KIAA1217: variants seen among roughly 807,000 people sequenced by gnomAD.
KIAA1217 encodes the protein sickle tail protein homolog.
In KIAA1217, 88 loss-of-function variants were observed where a neutral mutation model predicts 163.9. The observed-to-expected ratio is 0.54, with a 90% CI of 0.45 to 0.64. The LOEUF is 0.64. KIAA1217 is among the 30% of genes least tolerant of loss of function. The probability of loss-of-function intolerance (pLI) is 0.00; values close to 1 mark genes in which losing one functional copy is unlikely to be tolerated. For missense variants in KIAA1217, 2,372 were observed against 2,475.0 expected, an observed-to-expected ratio of 0.96 and a Z score of 0.88; for synonymous variants, 903 against 923.1, an observed-to-expected ratio of 0.98 and a Z score of 0.39.
chr10:24,060,825 A>T (rs994769967), intron 2 of KIAA1217, among the ~76,000 whole-genome samples: 4 of 151,968 alleles, frequency 2.6e-5, no homozygotes, highest in African/African-American at 9.7e-5. Flanking sequence ...AACCCTGTTT[A>T]AAAAAAACAA....
intron 1 of KIAA1217, among the ~76,000 whole-genome samples, chr10:24,217,761 A>G (rs2069027882): frequency 6.6e-6 from 1 of 152,216 alleles, no homozygotes; most frequent in Non-Finnish European, 1.5e-5. Flanking sequence ...AGAACTCCCA[A>G]ATATTAAATC....
chr10:23,998,719 G>A (rs756520107), intron 1 of KIAA1217, among the ~76,000 whole-genome samples: 3 of 152,186 alleles, frequency 2.0e-5, no homozygotes, highest in Non-Finnish European at 2.9e-5. Context: ...CTTACAAAAG[G>A]TCTTACTGAT....
intron 1 of KIAA1217, among the ~76,000 whole-genome samples, chr10:23,989,349 C>A (rs1470652391): frequency 6.6e-6 from 1 of 151,982 alleles, no homozygotes; most frequent in Non-Finnish European, 1.5e-5. Context: ...AAATGGAGAC[C>A]CCAACATGTG....
intron 2 of KIAA1217, among the ~76,000 whole-genome samples, chr10:24,322,609 A>C (rs2044321793): frequency 6.6e-6 from 1 of 152,208 alleles, no homozygotes; most frequent in African/African-American, 2.4e-5. Flanking sequence ...ATATACACCT[A>C]CTGTGTACCC....
intron 2 of KIAA1217, among the ~76,000 whole-genome samples, chr10:24,159,169 G>A (rs944459156): frequency 2.0e-5 from 3 of 151,916 alleles, no homozygotes; most frequent in Admixed American, 2.0e-4. Flanking sequence ...AAGACACAAA[G>A]GTTATAATTA....
chr10:24,521,337 G>GA (rs796783814), intron 11 of KIAA1217, among the ~76,000 whole-genome samples: 9 of 145,974 alleles, frequency 6.2e-5, no homozygotes, highest in Admixed American at 6.8e-5. Context: ...CTCAAAAAAA[G>GA]AAAAAAAAAG....
intron 2 of KIAA1217, among the ~76,000 whole-genome samples, chr10:24,200,112 C>T (rs964626157): frequency 1.3e-5 from 2 of 152,066 alleles, no homozygotes; most frequent in Middle Eastern, 3.4e-3. Context: ...TGCTGCTACG[C>T]GGTCTGCTCT....
At chr10:24,047,226 C>T (rs188887199) in intron 2 of KIAA1217, among the ~76,000 whole-genome samples, 5 of 152,302 alleles carry the variant, frequency 3.3e-5, no homozygotes, top group Admixed American at 2.6e-4. Flanking sequence ...CAAACACACA[C>T]ATGCATGCAC....
At chr10:23,826,935 A>G (rs1396284208) in intron 1 of KIAA1217, among the ~76,000 whole-genome samples, 3 of 152,150 alleles carry the variant, frequency 2.0e-5, no homozygotes, top group Admixed American at 6.6e-5. Flanking sequence ...ATAAAATTTT[A>G]CTGCCCTTTT....
At chr10:23,722,198 G>A (rs1837910081) in intron 1 of KIAA1217, among the ~76,000 whole-genome samples, 1 of 152,180 alleles carries the variant, frequency 6.6e-6, no homozygotes, top group Non-Finnish European at 1.5e-5. Flanking sequence ...GGGGAAATGT[G>A]GAGCTATTGT....
chr10:23,890,835 C>T (rs1232684378), intron 1 of KIAA1217, among the ~76,000 whole-genome samples: 2 of 151,988 alleles, frequency 1.3e-5, no homozygotes, highest in Admixed American at 6.6e-5. Context: ...TAACTACTAA[C>T]AGAGCAATAA....
chr10:24,271,037 G>A (rs1428974208), intron 2 of KIAA1217, among the ~76,000 whole-genome samples: 1 of 152,214 alleles, frequency 6.6e-6, no homozygotes, highest in Non-Finnish European at 1.5e-5. Flanking sequence ...TGGAGAAAAT[G>A]ATTGAGGTTC....
intron 2 of KIAA1217, among the ~76,000 whole-genome samples, chr10:24,136,225 G>A (rs1267291503): frequency 6.6e-6 from 1 of 152,084 alleles, no homozygotes; most frequent in Non-Finnish European, 1.5e-5. Context: ...ATGCATATTT[G>A]TGCTATAGTT....
chr10:23,951,897 T>A (rs1844351983), intron 1 of KIAA1217, among the ~76,000 whole-genome samples: 1 of 152,230 alleles, frequency 6.6e-6, no homozygotes, highest in Non-Finnish European at 1.5e-5. Flanking sequence ...TTCATTGTTT[T>A]TCTATGTGGT....
chr10:23,920,951 C>T (rs1469594128), intron 1 of KIAA1217, among the ~76,000 whole-genome samples: 2 of 152,328 alleles, frequency 1.3e-5, no homozygotes, highest in African/African-American at 2.4e-5. Context: ...CACACACTCT[C>T]TTGCCTGCCA....
chr10:23,930,648 C>T (rs1263684628), intron 1 of KIAA1217, among the ~76,000 whole-genome samples: 1 of 152,172 alleles, frequency 6.6e-6, no homozygotes, highest in Admixed American at 6.5e-5. Context: ...GAGTTATTTA[C>T]AATTTGCACA....
At chr10:24,021,142 A>T (rs1847713459) in intron 2 of KIAA1217, among the ~76,000 whole-genome samples, 2 of 151,974 alleles carry the variant, frequency 1.3e-5, no homozygotes, top group South Asian at 4.1e-4. Context: ...AGAGATACAA[A>T]ATCTCAATAG....
intron 9 of KIAA1217, among the ~76,000 whole-genome samples, chr10:24,508,794 C>T (rs1046625877): frequency 1.3e-5 from 2 of 152,094 alleles, no homozygotes; most frequent in Non-Finnish European, 2.9e-5. Flanking sequence ...AAGCTGGACA[C>T]AAAGGAGCAC....
At chr10:23,889,877 T>C (rs539811011) in intron 1 of KIAA1217, among the ~76,000 whole-genome samples, 1 of 151,986 alleles carries the variant, frequency 6.6e-6, no homozygotes, top group South Asian at 2.1e-4. Context: ...TTAATTTTAG[T>C]ATATTTCTTA....
Sources: allele counts gnomAD v4.1 joint callset (sites outside exome capture counted in the v4.1 genomes callset), GRCh38; gene constraint gnomAD v4.1.1; transcripts MANE v1.5; gene names NCBI Gene and HGNC (gene_info 2026-07-23, HGNC 2026-07-21).